Variants in CNTNAP2 observed in about 807,000 individuals in gnomAD.
CNTNAP2 encodes contactin associated protein 2, also known as contactin-associated protein-like 2.
CNTNAP2 carries 98 observed loss-of-function variants against 155.2 expected under a neutral mutation model. The ratio of observed to expected loss-of-function variants is 0.63; its 90% CI spans 0.54 to 0.75. CNTNAP2 has a LOEUF of 0.75. CNTNAP2 is among the 30% of genes least tolerant of loss of function. The pLI is 0.00. For synonymous variants in CNTNAP2, 651 were observed against 631.2 expected (o/e 1.03, Z -0.47); for missense variants, 1,727 against 1,688.1 (o/e 1.02, Z -0.40).
At chr7:146,443,101 C>T (rs1796349187) in intron 1 of CNTNAP2, among the ~76,000 whole-genome samples, 1 of 151,678 alleles carries the variant, frequency 6.6e-6, no homozygotes. Flanking sequence ...GTAGTCCCAG[C>T]TACTAGGGAG....
At chr7:146,523,376 T>C (rs1456055879) in intron 1 of CNTNAP2, among the ~76,000 whole-genome samples, 1 of 152,066 alleles carries the variant, frequency 6.6e-6, no homozygotes, top group African/African-American at 2.4e-5. Flanking sequence ...ATGACTCCTT[T>C]TAATTTTTCT....
At chr7:147,432,082 A>T (rs1398150148) in intron 10 of CNTNAP2, among the ~76,000 whole-genome samples, 1 of 152,158 alleles carries the variant, frequency 6.6e-6, no homozygotes, top group Non-Finnish European at 1.5e-5. Context: ...ACAAATATCT[A>T]TCTTGTGCAT....
chr7:147,084,969 C>T (rs1456528103), intron 4 of CNTNAP2, among the ~76,000 whole-genome samples: 1 of 151,494 alleles, frequency 6.6e-6, no homozygotes, highest in East Asian at 1.9e-4. Flanking sequence ...TAATGAAATC[C>T]TTTGCTACCC....
intron 13 of CNTNAP2, among the ~76,000 whole-genome samples, chr7:147,724,695 C>T (rs915043504): frequency 2.6e-5 from 4 of 151,952 alleles, no homozygotes; most frequent in East Asian, 1.9e-4. Context: ...CTGGATAATA[C>T]GCTGCAGGTA....
chr7:147,168,028 G>A (rs1214400793), intron 8 of CNTNAP2, among the ~76,000 whole-genome samples: 2 of 148,186 alleles, frequency 1.3e-5, no homozygotes, highest in African/African-American at 4.9e-5. Context: ...ATGTATATGT[G>A]TGTTTACATA....
chr7:146,189,242 A>G (rs571795969), intron 1 of CNTNAP2, among the ~76,000 whole-genome samples: 1 of 152,330 alleles, frequency 6.6e-6, no homozygotes, highest in East Asian at 1.9e-4. Flanking sequence ...TCACAAAACA[A>G]TTACGAAAAT....
chr7:146,173,295 T>C (rs1798421447), intron 1 of CNTNAP2, among the ~76,000 whole-genome samples: 1 of 152,194 alleles, frequency 6.6e-6, no homozygotes, highest in South Asian at 2.1e-4. Context: ...AATACACTTT[T>C]TGAAGTTTAC....
At chr7:147,441,813 T>TTCTCTCTCTCTCTCTCTGTCTC in intron 10 of CNTNAP2, among the ~76,000 whole-genome samples, 1 of 102,168 alleles carries the variant, frequency 9.8e-6, no homozygotes, top group Admixed American at 1.3e-4. Context: ...TGTAGTCTCT[T>TTCTCTCTCTCTCTCTCTGTCTC]TCTCTCTCTC....
At position 146,673,891 on chromosome 7, in the gene CNTNAP2, A is replaced by G. The variant is rs1800351629; in HGVS notation, c.98-100380A>G. ...AGCCATTGCACCTGCTGGAGCACTA[A>G]TTTCTAAACAAACAAACCCAAGATC... On this transcript the variant is annotated intron_variant, in intron 1 of 23. Coordinates refer to ENST00000361727, the MANE Select transcript of CNTNAP2 (RefSeq NM_014141.6). Among the ~76,000 whole-genome samples the G allele has an allele frequency of 2.0e-5, 3 of 152,242 alleles. No homozygotes were observed. In the South Asian group the frequency reaches 6.2e-4, roughly 32 times the overall value.
At chr7:146,401,125 CA>C (rs1230708488) in intron 1 of CNTNAP2, among the ~76,000 whole-genome samples, 1 of 152,094 alleles carries the variant, frequency 6.6e-6, no homozygotes, top group Non-Finnish European at 1.5e-5. Context: ...CCTAGGACTA[CA>C]AAAAATACTA....
At chr7:146,401,956 A>G (rs928726325) in intron 1 of CNTNAP2, among the ~76,000 whole-genome samples, 2 of 152,212 alleles carry the variant, frequency 1.3e-5, no homozygotes, top group African/African-American at 4.8e-5. Flanking sequence ...TCTCATATTT[A>G]TAGCTATAAT....
intron 12 of CNTNAP2, among the ~76,000 whole-genome samples, chr7:147,576,418 C>T (rs1800397513): frequency 6.6e-6 from 1 of 152,084 alleles, no homozygotes; most frequent in African/African-American, 2.4e-5. Context: ...TTGAAAAAGT[C>T]CAAGTGCTCT....
In CNTNAP2 at chr7:147,326,077, C is replaced by A. The variant is rs568996965; in HGVS notation, c.1498+25787C>A. On this transcript the variant is annotated intron_variant, in intron 9 of 23. Coordinates refer to ENST00000361727, the MANE Select transcript of CNTNAP2 (RefSeq NM_014141.6). ...AGCTGGGACGACAAGCGCACGCCAC[C>A]ACACCCGGCTAATTGCTTTTGTATT... Among the ~76,000 whole-genome samples the A allele has an allele frequency of 4.0e-4, 61 of 152,262 alleles. 1 individual carries two copies. Among genetic ancestry groups the A allele is most frequent in the East Asian group, 1.2e-3 (6 of 5,160 alleles).
chr7:146,953,443 C>G (rs1797363838), intron 3 of CNTNAP2, among the ~76,000 whole-genome samples: 1 of 151,896 alleles, frequency 6.6e-6, no homozygotes. Flanking sequence ...GCGATGACAT[C>G]TCGTTTTACA....
At chr7:146,323,905 A>G (rs1025309877) in intron 1 of CNTNAP2, among the ~76,000 whole-genome samples, 11 of 152,192 alleles carry the variant, frequency 7.2e-5, no homozygotes, top group Admixed American at 2.6e-4. Context: ...TGAAGTTAAT[A>G]AAGTTTATCT....
At chr7:147,937,934 C>T (rs988620617) in intron 14 of CNTNAP2, among the ~76,000 whole-genome samples, 4 of 152,064 alleles carry the variant, frequency 2.6e-5, no homozygotes, top group African/African-American at 9.7e-5. Context: ...GAACAAATGC[C>T]TACTATGCTA....
chr7:147,802,185 G>A (rs1314136568), intron 13 of CNTNAP2, among the ~76,000 whole-genome samples: 5 of 145,454 alleles, frequency 3.4e-5, no homozygotes, highest in African/African-American at 7.9e-5. Flanking sequence ...ACGGGGCGGC[G>A]GGGCAGAGGT....
chr7:146,826,825 A>G (rs578157924), intron 2 of CNTNAP2, among the ~76,000 whole-genome samples: 16 of 147,700 alleles, frequency 1.1e-4, no homozygotes, highest in Non-Finnish European at 2.2e-4. Context: ...TTTAAGAATG[A>G]ATGAATATAT....
At chr7:146,908,836 C>A (rs986758875) in intron 3 of CNTNAP2, among the ~76,000 whole-genome samples, 2 of 127,980 alleles carry the variant, frequency 1.6e-5, no homozygotes, top group Non-Finnish European at 3.6e-5. Flanking sequence ...ACACAAAAAA[C>A]CCTTCAAAAA....
Sources: gnomAD v4.1 joint callset for allele counts (sites outside exome capture counted in the v4.1 genomes callset) on GRCh38, gnomAD v4.1.1 for gene constraint, MANE v1.5 for transcripts, NCBI Gene and HGNC (gene_info 2026-07-23, HGNC 2026-07-21) for gene names.